The following SLC14A1 variants were observed in gnomAD, a reference collection of about 807,000 sequenced individuals.
The protein encoded by SLC14A1 is urea transporter 1.
Under a neutral mutation model 39.6 loss-of-function variants are expected in SLC14A1, and 36 were observed. The ratio of observed to expected loss-of-function variants is 0.91; its 90% CI spans 0.70 to 1.20. The LOEUF (loss-of-function observed/expected upper bound fraction) is 1.20. Ranked by LOEUF, SLC14A1 falls within the 50% of genes most tolerant of loss-of-function variation. The pLI is 0.00. For synonymous variants in SLC14A1, 164 were observed against 173.6 expected (o/e 0.94, Z 0.43); for missense variants, 469 against 478.7 (o/e 0.98, Z 0.19).
Position 45,735,974 on chromosome 18 carries a change from T to C in SLC14A1, c.471-482T>C, listed in dbSNP as rs1276530828. Reference sequence around the variant, plus strand: ...ACACTCTGCCCCACCAACTGTGATATCATTTTCCTCCAGCTCACACTACCT... The same window carrying C: ...ACACTCTGCCCCACCAACTGTGATACCATTTTCCTCCAGCTCACACTACCT... On this transcript the variant is annotated intron_variant, in intron 5 of 9. Coordinates refer to ENST00000321925, the MANE Select transcript of SLC14A1 (RefSeq NM_015865.7). Among the ~76,000 whole-genome samples the C allele has an allele frequency of 2.6e-5, 4 of 152,156 alleles. No homozygotes were observed. In the East Asian group the frequency reaches 7.7e-4, roughly 29 times the overall value.
At position 45,730,288 on chromosome 18, in the gene SLC14A1, C is replaced by A; in HGVS notation, c.-21-12C>A. The A allele has an allele frequency of 2.5e-6, 4 of 1,610,386 alleles. No individual in the cohort carries two copies. The highest frequency in any genetic ancestry group is 1.1e-5 in the South Asian group (1 of 90,880). ...CCTTAGGGATACTTATAAGCTCTGT[C>A]CTTCCCTCAAGGAGCCAGAGGAAGA... On this transcript the variant is annotated splice_polypyrimidine_tract_variant and intron_variant, in intron 2 of 9. Coordinates refer to ENST00000321925, the MANE Select transcript of SLC14A1 (RefSeq NM_015865.7).
chr18:45,730,525 G>A (rs1599255135), intron 3 of SLC14A1, 54 bp downstream of exon 3: 1 of 1,580,608 alleles, frequency 6.3e-7, no homozygotes, highest in East Asian at 2.2e-5. Flanking sequence ...TGGGGGAAAT[G>A]GTTTCCTGGT....
At chr18:45,741,123 C>T (rs554028574) in intron 8 of SLC14A1, 67 of 152,386 alleles carry the variant, frequency 4.4e-4, no homozygotes, top group African/African-American at 1.5e-3. Flanking sequence ...TATCCCACCG[C>T]ACTCCTCTGC....
chr18:45,730,160 G>T, intron 2 of SLC14A1, 140 bp from the exon 3 acceptor site: 1 of 838,424 alleles, frequency 1.2e-6, no homozygotes. Context: ...GCTCTGTGGT[G>T]GTGTTTCAGA....
intron 8 of SLC14A1, among the ~76,000 whole-genome samples, chr18:45,743,255 T>C (rs1215117819): frequency 6.6e-6 from 1 of 152,244 alleles, no homozygotes; most frequent in Non-Finnish European, 1.5e-5. Flanking sequence ...TAGGAAATTC[T>C]CTCCATCTCA....
Position 45,751,248 on chromosome 18 carries a change from G to C in SLC14A1, c.*1297G>C. ...CCAGCTACTTGGGAGGCTGAGGTGGGAAAATGACTTGAGCCCAGGAGGAGG... is the reference window on the plus strand; with the variant it reads ...CCAGCTACTTGGGAGGCTGAGGTGGCAAAATGACTTGAGCCCAGGAGGAGG... On this transcript the variant is annotated 3_prime_UTR_variant, in exon 10 of 10. Transcript: ENST00000321925. 2.1e-6 allele frequency: 1 copy of C among 487,296 alleles called. No homozygotes were observed. The highest frequency in any genetic ancestry group is 2.7e-6 in the Non-Finnish European group (1 of 377,050). 30.2% of individuals were successfully genotyped at this position (487,296 alleles called of 1,614,324 possible). A position where few individuals can be genotyped will look rare whatever the true frequency, so the allele number is the denominator to read the frequency against.
chr18:45,749,779 T>C lies in SLC14A1; in HGVS notation c.998T>C (p.Val333Ala), dbSNP rs774982134. 2.5e-5 allele frequency: 40 copies of C among 1,614,078 alleles called. 1 individual carries two copies. In the South Asian group the frequency reaches 4.2e-4, roughly 17 times the overall value. The change falls in exon 10 of 10, where the codon GTT (valine) becomes GCT (alanine). Residue 333 changes from valine to alanine, a missense_variant and splice_region_variant. Physicochemically the swap from Val to Ala is moderately conservative, Grantham distance 64. Transcript: ENST00000321925. ...GVGMANFMAEVGLPACTWPFC... is the reference protein window; with the variant it reads ...GVGMANFMAEAGLPACTWPFC... ...GTGTGGCTTTCTCTTCTTCCCCAGG[T>C]TGGATTGCCAGCTTGTACCTGGCCC...
chr18:45,745,260 T>C (rs181109252), intron 8 of SLC14A1, among the ~76,000 whole-genome samples: 3 of 152,196 alleles, frequency 2.0e-5, no homozygotes, highest in Non-Finnish European at 4.4e-5. Context: ...AATTATCGAC[T>C]GTAGGTTGTT....
intron 4 of SLC14A1, among the ~76,000 whole-genome samples, chr18:45,732,224 C>T (rs987021987): frequency 2.0e-5 from 3 of 152,204 alleles, no homozygotes; most frequent in African/African-American, 7.2e-5. Context: ...AAATGTTTTA[C>T]TTTCCTTGGT....
chr18:45,727,082 TTGG>T (rs1156288612), intron 2 of SLC14A1: 10 of 577,074 alleles, frequency 1.7e-5, no homozygotes, highest in Non-Finnish European at 2.2e-5. Context: ...TGAGAGCTCT[TTGG>T]TGAAGGCAAA....
chr18:45,736,080 C>T (rs2047185286), intron 5 of SLC14A1, among the ~76,000 whole-genome samples: 1 of 152,114 alleles, frequency 6.6e-6, no homozygotes, highest in South Asian at 2.1e-4. Flanking sequence ...ATCAGGGTTG[C>T]CTCTAGTGGG....
intron 2 of SLC14A1, among the ~76,000 whole-genome samples, chr18:45,728,380 G>A (rs2046930795): frequency 6.6e-6 from 1 of 152,180 alleles, no homozygotes; most frequent in Non-Finnish European, 1.5e-5. Context: ...GATGGAAAAT[G>A]CCACTTGAGT....
chr18:45,726,416 A>C (rs1256539428), intron 2 of SLC14A1, among the ~76,000 whole-genome samples: 1 of 152,232 alleles, frequency 6.6e-6, no homozygotes, highest in Non-Finnish European at 1.5e-5. Flanking sequence ...AGTTTTAAAA[A>C]GGAAAAAGAA....
At chr18:45,730,120 G>C (rs2046984302) in intron 2 of SLC14A1, 180 bp from the exon 3 acceptor site, 2 of 557,022 alleles carry the variant, frequency 3.6e-6, no homozygotes, top group South Asian at 3.3e-5. Flanking sequence ...TGATGGCAAA[G>C]GTACTGTGGG....
chr18:45,737,248 G>C (rs1442684190), intron 6 of SLC14A1, among the ~76,000 whole-genome samples: 1 of 152,208 alleles, frequency 6.6e-6, no homozygotes, highest in East Asian at 1.9e-4. Context: ...TCCCCAAATT[G>C]TGATGCGGGC....
intron 2 of SLC14A1, chr18:45,730,080 A>T (rs963139887): frequency 4.3e-6 from 2 of 470,304 alleles, no homozygotes; most frequent in East Asian, 6.3e-5. Flanking sequence ...ATTAAAGACC[A>T]GAACATTCTC....
In SLC14A1 at chr18:45,750,918, G is replaced by A. The variant is rs1407154491; in HGVS notation, c.*967G>A. The A allele has an allele frequency of 1.0e-6, 1 of 984,852 alleles. No individual in the cohort carries two copies. Among genetic ancestry groups the A allele is most frequent in the Non-Finnish European group, 1.2e-6 (1 of 829,588 alleles). The allele number at this position is 984,852 out of a possible 1,614,324, so 61.0% of individuals were successfully genotyped here. A position where few individuals can be genotyped will look rare whatever the true frequency, so the allele number is the denominator to read the frequency against. ...TTGAGGATGTCTTATAAAGACTGAA[G>A]GCAAAGGTCAGATTGCTTACGGGTG... On this transcript the variant is annotated 3_prime_UTR_variant, in exon 10 of 10. Coordinates refer to ENST00000321925, the MANE Select transcript of SLC14A1 (RefSeq NM_015865.7).
chr18:45,724,913 G>A (rs1367382175), intron 1 of SLC14A1, 37 bp from the exon 2 acceptor site: 1 of 152,176 alleles, frequency 6.6e-6, no homozygotes, highest in Non-Finnish European at 1.5e-5. Flanking sequence ...CAGGACACAG[G>A]AATATCTGAC....
chr18:45,748,778 A>C (rs530480028), intron 9 of SLC14A1, among the ~76,000 whole-genome samples: 19 of 152,368 alleles, frequency 1.2e-4, no homozygotes, highest in African/African-American at 4.6e-4. Context: ...ATTGCAGGTG[A>C]TGCAGGGCCG....
Sources: allele counts gnomAD v4.1 joint callset (sites outside exome capture counted in the v4.1 genomes callset), GRCh38; gene constraint gnomAD v4.1.1; transcripts MANE v1.5; gene names NCBI Gene and HGNC (gene_info 2026-07-23, HGNC 2026-07-21).